Variants in ZNF800 observed in about 807,000 individuals in gnomAD.
ZNF800 encodes the protein zinc finger protein 800.
A neutral mutation model predicts 59.5 loss-of-function variants in ZNF800; 13 were observed. That is an observed-to-expected ratio of 0.22 (90% CI 0.14 to 0.35). ZNF800 has a LOEUF of 0.35. Among genes scored for constraint, ZNF800 ranks in the 10% least tolerant of loss-of-function variants. ZNF800 has a pLI of 1.00. For missense variants in ZNF800, 621 were observed against 783.7 expected (o/e 0.79, Z 2.48); for synonymous variants, 266 against 265.7 (o/e 1.00, Z -0.01).
chr7:127,360,119 G>A (rs1009345340), intron 1 of ZNF800: 40 of 151,994 alleles, frequency 2.6e-4, no homozygotes, highest in African/African-American at 9.4e-4. Context: ...GTTAAGGTTT[G>A]AGGTTCTTTG....
chr7:127,368,139 C>T (rs972113035), downstream of ZNF800, among the ~76,000 whole-genome samples: 1 of 151,914 alleles, frequency 6.6e-6, no homozygotes, highest in Admixed American at 6.6e-5. Flanking sequence ...GAAGAAAAGG[C>T]AAGGTAGAAG....
In ZNF800 at chr7:127,374,840, T is replaced by C; in HGVS notation, c.496A>G (p.Thr166Ala). ...CTAGTTTCCTGTATCTGAACTTCGG[T>C]TTGTTCAGGAGTACTGCTTGACTCT... is the stretch of plus-strand genomic sequence containing the variant. The part of the protein sequence containing the change: ...VTESSSTPEQ[T>A]EVQIQETSTE... Residue 166 changes from threonine to alanine, a missense_variant, in exon 5 of 6, where the codon ACC becomes GCC. Coordinates refer to ENST00000265827, the MANE Select transcript of ZNF800 (RefSeq NM_176814.5). 6.2e-7 allele frequency: 1 copy of C among 1,613,496 alleles called. No individual in the cohort carries two copies. The highest frequency in any genetic ancestry group is 1.3e-5 in the African/African-American group (1 of 74,970).
At chr7:127,384,524 G>A (rs910984005) in intron 3 of ZNF800, among the ~76,000 whole-genome samples, 2 of 151,884 alleles carry the variant, frequency 1.3e-5, no homozygotes, top group East Asian at 1.9e-4. Flanking sequence ...GTGAGCCACC[G>A]CGCCCAGCCT....
At chr7:127,383,984 C>T (rs530444630) in intron 3 of ZNF800, among the ~76,000 whole-genome samples, 43 of 152,078 alleles carry the variant, frequency 2.8e-4, no homozygotes, top group East Asian at 5.8e-4. Context: ...TCAAATTACC[C>T]GTTTCACTGC....
At position 127,374,980 on chromosome 7, in the gene ZNF800, G is replaced by A. The variant is rs757132532; in HGVS notation, c.356C>T (p.Ala119Val). ...QSQAINDLLE[A>V]IYPSVDKREY... is the part of the protein sequence containing the mutation. ...TCGTTTGTCCACACTTGGATATATG[G>A]CTTCTAGGAGATCATTTATGGCTTG... Residue 119 changes from alanine (A) to valine (V), a missense_variant, in exon 5 of 6, where the codon GCC becomes GTC. Physicochemically the swap from Ala to Val is moderately conservative, Grantham distance 64 (BLOSUM62 0). Around this residue, in one of 7 missense-constraint regions of ZNF800, gnomAD observed 218 missense variants for 230.8 expected, o/e 0.94. Transcript: ENST00000265827. 5.4e-5 allele frequency: 86 copies of A among 1,605,800 alleles called. No individual in the cohort carries two copies. The highest frequency in any genetic ancestry group is 1.4e-4 in the Admixed American group (8 of 58,256).
At chr7:127,355,917 C>G (rs1433917761) in intron 1 of ZNF800, among the ~76,000 whole-genome samples, 1 of 151,960 alleles carries the variant, frequency 6.6e-6, no homozygotes, top group African/African-American at 2.4e-5. Context: ...TGGTAACCAT[C>G]TTCCAGTATT....
chr7:127,364,959 G>A (rs1288599672), intron 1 of ZNF800, among the ~76,000 whole-genome samples: 1 of 152,070 alleles, frequency 6.6e-6, no homozygotes, highest in Non-Finnish European at 1.5e-5. Flanking sequence ...CACTTCTTAA[G>A]ATTATGTAAA....
intron 1 of ZNF800, among the ~76,000 whole-genome samples, chr7:127,358,944 A>C (rs148151260): frequency 6.6e-5 from 10 of 152,232 alleles, no homozygotes; most frequent in African/African-American, 2.4e-4. Context: ...AAAATTGTTT[A>C]ATTTGCTTAT....
intron 2 of ZNF800, among the ~76,000 whole-genome samples, chr7:127,390,402 C>G (rs1030265754): frequency 1.3e-5 from 2 of 152,142 alleles, no homozygotes; most frequent in Non-Finnish European, 2.9e-5. Flanking sequence ...TTTATTAGTA[C>G]AGGTAAGTTA....
intron 2 of ZNF800, among the ~76,000 whole-genome samples, 174 bp downstream of exon 2, chr7:127,391,323 A>G (rs1031301306): frequency 6.6e-6 from 1 of 152,196 alleles, no homozygotes; most frequent in African/African-American, 2.4e-5. Flanking sequence ...GGGATCAAGC[A>G]GGGGAGACCT....
At chr7:127,357,921 T>G (rs1257051944) in intron 1 of ZNF800, among the ~76,000 whole-genome samples, 1 of 151,918 alleles carries the variant, frequency 6.6e-6, no homozygotes, top group Non-Finnish European at 1.5e-5. Flanking sequence ...TAGGTAGGTA[T>G]TATCCTAAAT....
rs1801376225 is a variant in ZNF800 at position 127,392,618 on chromosome 7, C to CT, written c.-618_-617insA. 1 of 164,436 alleles carries CT rather than the reference C, an allele frequency of 6.1e-6. No individual in the cohort carries two copies. The highest frequency in any genetic ancestry group is 1.3e-5 in the Non-Finnish European group (1 of 76,420). 10.2% of individuals were successfully genotyped at this position (164,436 alleles called of 1,614,324 possible). A position where few individuals can be genotyped will look rare whatever the true frequency, so the allele number is the denominator to read the frequency against. On this transcript the variant is annotated 5_prime_UTR_variant, in exon 1 of 6. Transcript: ENST00000265827. ...AGTCAGCCTCTCTTTTACTCTGTCG[C>CT]CCCCTCCTCCGGAGAGCCCGAGCTA...
At chr7:127,355,646 A>G (rs1800256456) in intron 1 of ZNF800, among the ~76,000 whole-genome samples, 1 of 152,050 alleles carries the variant, frequency 6.6e-6, no homozygotes. Flanking sequence ...GTAGGATGGG[A>G]GCAGTAATCG....
chr7:127,387,762 G>A (rs1801181730), intron 2 of ZNF800, among the ~76,000 whole-genome samples: 1 of 152,104 alleles, frequency 6.6e-6, no homozygotes, highest in African/African-American at 2.4e-5. Context: ...GTGGGAGGCT[G>A]AGCTGGGAGG....
At chr7:127,344,634 G>A (rs1800025520), downstream of ZNF800, among the ~76,000 whole-genome samples, 1 of 152,066 alleles carries the variant, frequency 6.6e-6, no homozygotes, top group East Asian at 1.9e-4. Context: ...ATGATAAAAT[G>A]GCAATAATTA....
Position 127,373,884 on chromosome 7 carries a change from C to T in ZNF800, c.1452G>A (p.Lys484=), listed in dbSNP as rs1250711392. The change falls in exon 5 of 6, where the codon AAG becomes AAA. Residue 484 remains lysine, a synonymous_variant. Transcript: ENST00000265827. Reference sequence around the variant, plus strand: ...GTTTACAAAGTTTACAGTAAAGTTGCTTAAAGTCAAAGCCAGCTGAAAGTT... The same window carrying T: ...GTTTACAAAGTTTACAGTAAAGTTGTTTAAAGTCAAAGCCAGCTGAAAGTT... ...KPKLSAGFDF[K]QLYCKLCKRQ... 3 of 1,614,170 alleles carry T rather than the reference C, an allele frequency of 1.9e-6. No homozygotes were observed. The highest frequency in any genetic ancestry group is 1.1e-5 in the South Asian group (1 of 91,088).
At chr7:127,379,286 T>A (rs1039690838) in intron 3 of ZNF800, among the ~76,000 whole-genome samples, 2 of 152,206 alleles carry the variant, frequency 1.3e-5, no homozygotes, top group Admixed American at 6.5e-5. Flanking sequence ...TTTTAAAAAA[T>A]GCTTTGGCTA....
At chr7:127,357,108 C>T (rs1264543619) in intron 1 of ZNF800, among the ~76,000 whole-genome samples, 1 of 152,006 alleles carries the variant, frequency 6.6e-6, no homozygotes, top group East Asian at 1.9e-4. Context: ...CTCATAAGTA[C>T]CCACTGGCCT....
At chr7:127,354,314 G>T (rs1012196346) in intron 1 of ZNF800, among the ~76,000 whole-genome samples, 1 of 152,000 alleles carries the variant, frequency 6.6e-6, no homozygotes, top group Non-Finnish European at 1.5e-5. Flanking sequence ...CATGTTGCAC[G>T]TGAGGTACTC....
Sources: gnomAD v4.1 joint callset for allele counts (sites outside exome capture counted in the v4.1 genomes callset) on GRCh38, gnomAD v4.1.1 for gene constraint, gnomAD v4.1.1 regional missense constraint, MANE v1.5 for transcripts, NCBI Gene and HGNC (gene_info 2026-07-23, HGNC 2026-07-21) for gene names.